The following SMARCAL1 variants were observed in gnomAD, a reference collection of about 807,000 sequenced individuals.
The protein encoded by SMARCAL1 is SNF2 related chromatin remodeling annealing helicase 1, also known as ATP-driven annealing helicase.
A neutral mutation model predicts 94.5 loss-of-function variants in SMARCAL1; 58 were observed. The ratio of observed to expected loss-of-function variants is 0.61; its 90% CI spans 0.50 to 0.76. The LOEUF is 0.76. SMARCAL1 is among the 30% of genes least tolerant of loss of function. The pLI is 0.00. For missense variants in SMARCAL1, 1,051 were observed against 1,177.9 expected (o/e 0.89, Z 1.58); for synonymous variants, 422 against 455.1 (o/e 0.93, Z 0.93).
At chr2:216,426,464 G>A (rs1693836644) in intron 6 of SMARCAL1, among the ~76,000 whole-genome samples, 1 of 152,144 alleles carries the variant, frequency 6.6e-6, no homozygotes, top group South Asian at 2.1e-4. Flanking sequence ...ATAAGATTTT[G>A]CACTTGATAA....
At chr2:216,420,219 C>T in intron 4 of SMARCAL1, 80 bp from the exon 5 acceptor site, 12 of 1,161,076 alleles carry the variant, frequency 1.0e-5, no homozygotes, top group Non-Finnish European at 1.5e-5. Flanking sequence ...CCACTTTCTC[C>T]CTCTTCCCTT....
intron 8 of SMARCAL1, among the ~76,000 whole-genome samples, chr2:216,433,592 A>G (rs1694011728): frequency 6.6e-6 from 1 of 152,086 alleles, no homozygotes; most frequent in South Asian, 2.1e-4. Context: ...CACTCTGTAG[A>G]GGGGGGAGTG....
chr2:216,469,300 T>C (rs1694906737), intron 14 of SMARCAL1, among the ~76,000 whole-genome samples: 2 of 113,726 alleles, frequency 1.8e-5, no homozygotes, highest in Admixed American at 8.5e-5. Context: ...TTTTTTTTTT[T>C]TGAAACAGTC....
At position 216,416,316 on chromosome 2, in the gene SMARCAL1, A is replaced by T. The variant is rs1368034714; in HGVS notation, c.862+9A>T. Reference sequence around the variant, plus strand: ...TGACTATAGTGCCCTGAGTAAGTAGACACATGGTTGTCTCATGGAGGGTGG... The same window carrying T: ...TGACTATAGTGCCCTGAGTAAGTAGTCACATGGTTGTCTCATGGAGGGTGG... On this transcript the variant is annotated intron_variant, in intron 4 of 17. Transcript: ENST00000357276. The T allele has an allele frequency of 6.2e-7, 1 of 1,610,848 alleles. No individual in the cohort carries two copies. The highest frequency in any genetic ancestry group is 2.2e-5 in the East Asian group (1 of 44,850).
At chr2:216,452,217 T>G (rs1372863740) in intron 12 of SMARCAL1, among the ~76,000 whole-genome samples, 1 of 152,218 alleles carries the variant, frequency 6.6e-6, no homozygotes. Context: ...AGATTATATT[T>G]CAGTGGAATC....
chr2:216,446,855 G>A (rs1378863193), intron 10 of SMARCAL1, 163 bp from the exon 11 acceptor site: 6 of 733,858 alleles, frequency 8.2e-6, no homozygotes, highest in Non-Finnish European at 1.4e-5. Context: ...TAAAGAAAAG[G>A]AGATGCCATC....
At chr2:216,445,666 A>C (rs1307423890) in intron 10 of SMARCAL1, among the ~76,000 whole-genome samples, 2 of 152,158 alleles carry the variant, frequency 1.3e-5, no homozygotes, top group Non-Finnish European at 2.9e-5. Context: ...TACCAACGTC[A>C]GCTCATTGTT....
intron 8 of SMARCAL1, among the ~76,000 whole-genome samples, chr2:216,433,499 G>C (rs1694009867): frequency 6.6e-6 from 1 of 152,162 alleles, no homozygotes; most frequent in Admixed American, 6.5e-5. Flanking sequence ...AATCTCAGAG[G>C]TTAAGCTCCA....
At chr2:216,478,060 G>A in intron 16 of SMARCAL1, 143 bp from the exon 17 acceptor site, 1 of 753,608 alleles carries the variant, frequency 1.3e-6, no homozygotes. Context: ...TTTTCAAGAT[G>A]GGTGTTTGCA....
At chr2:216,445,822 T>G (rs1694303052) in intron 10 of SMARCAL1, among the ~76,000 whole-genome samples, 1 of 152,236 alleles carries the variant, frequency 6.6e-6, no homozygotes, top group South Asian at 2.1e-4. Context: ...CAAATGCGTT[T>G]AGATAATTGT....
At chr2:216,446,691 C>G in intron 10 of SMARCAL1, 3 of 498,116 alleles carry the variant, frequency 6.0e-6, no homozygotes, top group Non-Finnish European at 1.2e-5. Flanking sequence ...GGTTACTTGG[C>G]GTCAGGCATA....
intron 11 of SMARCAL1, among the ~76,000 whole-genome samples, chr2:216,450,141 C>T (rs192566): frequency 0.056 from 8,463 of 152,240 alleles, 522 homozygotes; most frequent in East Asian, 0.16. Context: ...TGAGCCACTG[C>T]GTCTGGCCAG....
At chr2:216,464,323 A>G (rs951420050) in intron 12 of SMARCAL1, among the ~76,000 whole-genome samples, 8 of 152,242 alleles carry the variant, frequency 5.3e-5, no homozygotes. Context: ...ATGCGTCTCC[A>G]AAGAGCTTTT....
At chr2:216,444,234 T>C (rs1013505075) in intron 10 of SMARCAL1, among the ~76,000 whole-genome samples, 2 of 152,320 alleles carry the variant, frequency 1.3e-5, no homozygotes, top group African/African-American at 4.8e-5. Flanking sequence ...GAATATATGG[T>C]ATTGTATAAA....
intron 12 of SMARCAL1, among the ~76,000 whole-genome samples, chr2:216,452,408 G>A (rs1462714356): frequency 6.6e-6 from 1 of 152,060 alleles, no homozygotes; most frequent in Non-Finnish European, 1.5e-5. Context: ...CAGTGAACTG[G>A]TATAGCAAAT....
At chr2:216,470,055 G>T (rs998193629) in intron 14 of SMARCAL1, among the ~76,000 whole-genome samples, 1 of 151,788 alleles carries the variant, frequency 6.6e-6, no homozygotes, top group Non-Finnish European at 1.5e-5. Context: ...TGTATCCTTT[G>T]CCTGTTTTTC....
At chr2:216,412,677 C>T in intron 1 of SMARCAL1, 29 bp downstream of exon 1, 2 of 153,720 alleles carry the variant, frequency 1.3e-5, no homozygotes, top group Non-Finnish European at 2.9e-5. Context: ...GGCAGGAAGG[C>T]GGCGGAGGCG....
chr2:216,460,965 G>A (rs1438654660), intron 12 of SMARCAL1, among the ~76,000 whole-genome samples: 1 of 151,986 alleles, frequency 6.6e-6, no homozygotes, highest in Non-Finnish European at 1.5e-5. Flanking sequence ...GAGATAAAAT[G>A]TACTGAAAGA....
At chr2:216,420,230 G>A in intron 4 of SMARCAL1, 69 bp from the exon 5 acceptor site, 2 of 1,268,158 alleles carry the variant, frequency 1.6e-6, no homozygotes, top group African/African-American at 1.5e-5. Flanking sequence ...CTCTTCCCTT[G>A]CCTGTATTTC....
Sources: allele counts gnomAD v4.1 joint callset (sites outside exome capture counted in the v4.1 genomes callset), GRCh38; gene constraint gnomAD v4.1.1; transcripts MANE v1.5; gene names NCBI Gene and HGNC (gene_info 2026-07-23, HGNC 2026-07-21).